RALGPS1: variants seen among roughly 807,000 people sequenced by gnomAD.
The protein encoded by RALGPS1 is ras-specific guanine nucleotide-releasing factor RalGPS1.
Under a neutral mutation model 78.8 loss-of-function variants are expected in RALGPS1, and 19 were observed. The observed-to-expected ratio is 0.24, with a 90% confidence interval of 0.17 to 0.35. RALGPS1 has a LOEUF of 0.35. Among genes scored for constraint, RALGPS1 ranks in the 10% least tolerant of loss-of-function variants. The probability of loss-of-function intolerance (pLI) is 1.00; values close to 1 mark genes in which losing one functional copy is unlikely to be tolerated. For synonymous variants in RALGPS1, 228 were observed against 256.3 expected (o/e 0.89, Z 1.06); for missense variants, 454 against 688.3 (o/e 0.66, Z 3.81).
At chr9:126,922,128 C>G (rs902827164) in intron 1 of RALGPS1, among the ~76,000 whole-genome samples, 2 of 152,138 alleles carry the variant, frequency 1.3e-5, no homozygotes, top group Non-Finnish European at 2.9e-5. Context: ...TTGTCTCAGG[C>G]CCATTTAGGA....
chr9:127,033,870 A>G (rs1037696707), intron 4 of RALGPS1, among the ~76,000 whole-genome samples: 1 of 152,222 alleles, frequency 6.6e-6, no homozygotes, highest in Admixed American at 6.5e-5. Flanking sequence ...AAGATATTAA[A>G]GGGGACCTTT....
At chr9:127,210,778 G>C in intron 14 of RALGPS1, 1 of 1,549,204 alleles carries the variant, frequency 6.5e-7, no homozygotes, top group Non-Finnish European at 8.7e-7. Flanking sequence ...TGTGTCTACA[G>C]GTATTCATGT....
Position 126,914,930 on chromosome 9 carries a change from C to T in RALGPS1, c.-111C>T, listed in dbSNP as rs1003082491. The T allele has an allele frequency of 6.6e-6, 1 of 151,532 alleles. No individual in the cohort carries two copies. The highest frequency in any genetic ancestry group is 2.4e-5 in the African/African-American group (1 of 41,332). 9.4% of individuals were successfully genotyped at this position (151,532 alleles called of 1,614,324 possible). A position where few individuals can be genotyped will look rare whatever the true frequency, so the allele number is the denominator to read the frequency against. ...AGGCGCCGCTGCCGCTGGGCCGCTCCCAGGGCCATGAGGAAGCGGCGGCAG... is the reference window on the plus strand; with the variant it reads ...AGGCGCCGCTGCCGCTGGGCCGCTCTCAGGGCCATGAGGAAGCGGCGGCAG... On this transcript the variant is annotated 5_prime_UTR_variant, in exon 1 of 19. Transcript: ENST00000259351.
intron 8 of RALGPS1, among the ~76,000 whole-genome samples, chr9:127,164,369 G>A (rs903801063): frequency 6.6e-6 from 1 of 151,394 alleles, no homozygotes; most frequent in Non-Finnish European, 1.5e-5. Context: ...CCGAGTAGCT[G>A]GGATTACAGG....
intron 8 of RALGPS1, among the ~76,000 whole-genome samples, chr9:127,074,839 C>G (rs1426994197): frequency 6.6e-6 from 1 of 152,262 alleles, no homozygotes; most frequent in East Asian, 1.9e-4. Context: ...TCCTGATTCC[C>G]CACCCTATTC....
intron 8 of RALGPS1, among the ~76,000 whole-genome samples, chr9:127,131,183 T>G (rs971302875): frequency 6.6e-6 from 1 of 152,204 alleles, no homozygotes; most frequent in Non-Finnish European, 1.5e-5. Context: ...GTTGGTACTT[T>G]CCTAGCAGCC....
intron 4 of RALGPS1, among the ~76,000 whole-genome samples, chr9:126,988,136 A>G (rs1450355158): frequency 1.3e-5 from 2 of 152,152 alleles, no homozygotes; most frequent in African/African-American, 2.4e-5. Flanking sequence ...AAATACAAGG[A>G]CCAGTGGTGA....
At chr9:126,970,585 T>C (rs1395502844) in intron 3 of RALGPS1, among the ~76,000 whole-genome samples, 1 of 151,784 alleles carries the variant, frequency 6.6e-6, no homozygotes, top group African/African-American at 2.4e-5. Flanking sequence ...TCAGAAAAGA[T>C]AGAGATAGTT....
intron 8 of RALGPS1, among the ~76,000 whole-genome samples, chr9:127,158,197 A>C (rs867433719): frequency 6.6e-6 from 1 of 152,042 alleles, no homozygotes; most frequent in African/African-American, 2.4e-5. Flanking sequence ...TTTATGCATG[A>C]GCTCCTTAAA....
At chr9:126,980,560 A>G (rs1022548432) in intron 4 of RALGPS1, among the ~76,000 whole-genome samples, 2 of 152,164 alleles carry the variant, frequency 1.3e-5, no homozygotes, top group South Asian at 2.1e-4. Context: ...ACTGATAGCA[A>G]TTTGCTTTGT....
At chr9:127,015,829 C>T (rs2044763066) in intron 4 of RALGPS1, among the ~76,000 whole-genome samples, 1 of 152,168 alleles carries the variant, frequency 6.6e-6, no homozygotes, top group East Asian at 1.9e-4. Context: ...CACATCCCTC[C>T]CTCCCTGCCC....
chr9:127,205,897 C>G lies in RALGPS1; in HGVS notation c.1248-6234C>G, dbSNP rs979393284. Among the ~76,000 whole-genome samples, 1 of 152,266 alleles carries G rather than the reference C, an allele frequency of 6.6e-6. No homozygotes were observed. The highest frequency in any genetic ancestry group is 2.4e-5 in the African/African-American group (1 of 41,470). On this transcript the variant is annotated intron_variant, in intron 14 of 18. Coordinates refer to ENST00000259351, the MANE Select transcript of RALGPS1 (RefSeq NM_014636.3). The surrounding 1 kb of genome is among the most constrained non-coding windows in gnomAD (Gnocchi z 4.0). ...TGGATCACTGGTGTTGCCCTGTCCA[C>G]TTAGCTGTCAGAAGGATGGGGACAT...
At chr9:127,176,312 T>C (rs952623921) in intron 11 of RALGPS1, among the ~76,000 whole-genome samples, 3 of 152,226 alleles carry the variant, frequency 2.0e-5, no homozygotes, top group Non-Finnish European at 4.4e-5. Context: ...AGTGCTGGTC[T>C]TGTCTCTACT....
intron 13 of RALGPS1, among the ~76,000 whole-genome samples, chr9:127,197,449 C>T (rs901494478): frequency 4.3e-5 from 6 of 139,756 alleles, no homozygotes; most frequent in African/African-American, 1.4e-4. Context: ...GACCAGTTGC[C>T]GAGCTGGGAG....
At chr9:126,964,480 A>G (rs1273043580) in intron 2 of RALGPS1, among the ~76,000 whole-genome samples, 1 of 152,048 alleles carries the variant, frequency 6.6e-6, no homozygotes, top group Admixed American at 6.6e-5. Context: ...TATTTTATAT[A>G]ACCCGTACTA....
At chr9:127,074,397 G>A (rs2050497846) in intron 8 of RALGPS1, among the ~76,000 whole-genome samples, 2 of 152,086 alleles carry the variant, frequency 1.3e-5, no homozygotes, top group African/African-American at 2.4e-5. Context: ...AAACTGCAGT[G>A]TCTTTCTACT....
intron 8 of RALGPS1, among the ~76,000 whole-genome samples, chr9:127,099,006 G>A (rs1278506246): frequency 1.3e-5 from 2 of 152,238 alleles, no homozygotes; most frequent in East Asian, 3.8e-4. Flanking sequence ...GAGGCTGGGA[G>A]CTAAGCAGTG....
intron 8 of RALGPS1, among the ~76,000 whole-genome samples, chr9:127,080,996 G>C (rs1429820182): frequency 6.6e-6 from 1 of 152,154 alleles, no homozygotes; most frequent in Admixed American, 6.5e-5. Context: ...CCTTATCTGT[G>C]TGTCTTTATC....
intron 8 of RALGPS1, among the ~76,000 whole-genome samples, chr9:127,080,999 T>A (rs1046466832): frequency 6.6e-6 from 1 of 152,190 alleles, no homozygotes; most frequent in Non-Finnish European, 1.5e-5. Flanking sequence ...TATCTGTGTG[T>A]CTTTATCCTC....
Sources: allele counts gnomAD v4.1 joint callset (sites outside exome capture counted in the v4.1 genomes callset), GRCh38; gene constraint gnomAD v4.1.1; non-coding constraint Gnocchi (gnomAD v3.1); transcripts MANE v1.5; gene names NCBI Gene and HGNC (gene_info 2026-07-23, HGNC 2026-07-21).